NCOR1: variants seen among roughly 807,000 people sequenced by gnomAD.
NCOR1 encodes nuclear receptor corepressor 1.
NCOR1 carries 63 observed loss-of-function variants against 288.1 expected under a neutral mutation model. The ratio of observed to expected loss-of-function variants is 0.22; its 90% CI spans 0.18 to 0.27. The LOEUF is 0.27. NCOR1 is among the 10% of genes least tolerant of loss of function. The pLI is 1.00. For missense variants in NCOR1, 2,397 were observed against 3,019.2 expected, an observed-to-expected ratio of 0.79 and a Z score of 4.83; for synonymous variants, 1,007 against 1,065.9, an observed-to-expected ratio of 0.94 and a Z score of 1.08.
chr17:16,179,432 C>A (rs1199804041), intron 3 of NCOR1, among the ~76,000 whole-genome samples: 1 of 152,004 alleles, frequency 6.6e-6, no homozygotes, highest in African/African-American at 2.4e-5. Context: ...AAGTAGAAAG[C>A]CTGAACAAAC....
intron 20 of NCOR1, 137 bp downstream of exon 20, chr17:16,101,113 C>T (rs1473636361): frequency 8.7e-6 from 7 of 801,402 alleles, no homozygotes; most frequent in Non-Finnish European, 1.4e-5. Flanking sequence ...CAGTATCAGC[C>T]CAATATTAAA....
At chr17:16,088,694 C>T (rs1221926794) in intron 22 of NCOR1, among the ~76,000 whole-genome samples, 2 of 152,092 alleles carry the variant, frequency 1.3e-5, no homozygotes, top group Non-Finnish European at 2.9e-5. Flanking sequence ...CTATTTAGCC[C>T]TCAAGACCAA....
intron 13 of NCOR1, 71 bp from the exon 14 acceptor site, chr17:16,137,483 C>T: frequency 2.6e-6 from 2 of 783,054 alleles, no homozygotes; most frequent in Non-Finnish European, 3.9e-6. Flanking sequence ...AATATTACTT[C>T]CAAGGAAAAT....
At chr17:16,063,026 C>G (rs905295544) in intron 35 of NCOR1, among the ~76,000 whole-genome samples, 2 of 152,156 alleles carry the variant, frequency 1.3e-5, no homozygotes, top group African/African-American at 4.8e-5. Flanking sequence ...TCACTCCAAC[C>G]TTCTAACGTG....
intron 42 of NCOR1, among the ~76,000 whole-genome samples, chr17:16,041,972 G>A (rs62073589): frequency 0.059 from 9,013 of 152,032 alleles, 376 homozygotes; most frequent in African/African-American, 0.12. Context: ...TCCTGACCTC[G>A]ATATGCCCGC....
In NCOR1 at chr17:16,121,230, T is replaced by C. The variant is rs2072947864; in HGVS notation, c.1674A>G (p.Ala558=). Residue 558 remains alanine, a synonymous_variant, in exon 16 of 46, where the codon GCA becomes GCG. Coordinates refer to ENST00000268712, the MANE Select transcript of NCOR1 (RefSeq NM_006311.4). ...TKEKDKIDGT[A]EETEEREQAT... is the part of the protein sequence containing the mutation. ...CTTGCTCTCTTTCCTCAGTTTCTTC[T>C]GCTGTACCATCTATCTTGTCCTTTT... The C allele has an allele frequency of 6.2e-7, 1 of 1,614,084 alleles. No individual in the cohort carries two copies. Among genetic ancestry groups the C allele is most frequent in the South Asian group, 1.1e-5 (1 of 91,084 alleles).
intron 26 of NCOR1, among the ~76,000 whole-genome samples, chr17:16,078,522 T>A (rs1045773721): frequency 6.6e-6 from 1 of 152,156 alleles, no homozygotes; most frequent in East Asian, 1.9e-4. Context: ...CCTCTGTCCA[T>A]ATTAAAGTAT....
At chr17:16,158,632 A>T in intron 6 of NCOR1, 128 bp downstream of exon 6, 1 of 534,132 alleles carries the variant, frequency 1.9e-6, no homozygotes, top group Non-Finnish European at 3.2e-6. Flanking sequence ...AAGTTTATGA[A>T]CATTCAAAAT....
At chr17:16,202,108 C>T (rs558808594) in intron 1 of NCOR1, among the ~76,000 whole-genome samples, 127 of 151,752 alleles carry the variant, frequency 8.4e-4, no homozygotes, top group African/African-American at 3.0e-3. Context: ...CCTGTAATCC[C>T]AGCTACTTGG....
chr17:16,065,800 GCAC>G, intron 32 of NCOR1, 106 bp from the exon 33 acceptor site: 1 of 980,492 alleles, frequency 1.0e-6, no homozygotes, highest in Non-Finnish European at 1.6e-6. Context: ...CTGAGCTAGT[GCAC>G]ATGGAACTTT....
rs183445797 is a variant in NCOR1, at chr17:16,030,261, T to C, written c.*2035A>G. ...TCATCCTTGTCATCTTCATGTTGAA[T>C]AGGCTGAGGATGAGAAGGGGTTGGT... On this transcript the variant is annotated 3_prime_UTR_variant, in exon 46 of 46. Coordinates refer to ENST00000268712, the MANE Select transcript of NCOR1 (RefSeq NM_006311.4). The C allele has an allele frequency of 3.4e-4, 78 of 229,866 alleles. No homozygotes were observed. The highest frequency in any genetic ancestry group is 1.5e-4 in the Non-Finnish European group (18 of 117,148). 14.2% of individuals were successfully genotyped at this position (229,866 alleles called of 1,614,324 possible).
At chr17:16,213,390 G>A (rs1429644251) in intron 1 of NCOR1, among the ~76,000 whole-genome samples, 1 of 149,198 alleles carries the variant, frequency 6.7e-6, no homozygotes, top group Non-Finnish European at 1.5e-5. Context: ...CTACTCGGGA[G>A]GCTGAGGCAG....
chr17:16,044,876 T>G, intron 42 of NCOR1: 1 of 761,950 alleles, frequency 1.3e-6, no homozygotes, highest in Non-Finnish European at 2.3e-6. Flanking sequence ...CCACTGCTGC[T>G]GCTCCAGCTG....
chr17:16,153,389 CT>C lies in NCOR1; in HGVS notation c.738del (p.Ala247GlnfsTer38). ...VQIIYDENRK[K>X]AEEAHKIFEG... ...TCAAAAATTTTATGAGCTTCTTCTG[CT>C]TTTTTCTAGAGATAAAGACATTGTT... On this transcript the variant is annotated frameshift_variant, in exon 7 of 46. Coordinates refer to ENST00000268712, the MANE Select transcript of NCOR1 (RefSeq NM_006311.4). LOFTEE classifies it high-confidence loss of function. 6.3e-7 allele frequency: 1 copy of C among 1,593,070 alleles called. No homozygotes were observed.
chr17:16,045,119 C>T (rs902470737), intron 42 of NCOR1: 14 of 241,648 alleles, frequency 5.8e-5, no homozygotes, highest in South Asian at 1.2e-4. Flanking sequence ...TGAGAGAACA[C>T]GAGGAGGTTC....
At chr17:16,084,787 T>C (rs2063953678) in intron 23 of NCOR1, among the ~76,000 whole-genome samples, 1 of 152,206 alleles carries the variant, frequency 6.6e-6, no homozygotes, top group Admixed American at 6.5e-5. Flanking sequence ...CCTGACCTCA[T>C]ACTATACACA....
intron 19 of NCOR1, among the ~76,000 whole-genome samples, chr17:16,106,860 T>C (rs1243301170): frequency 2.4e-5 from 1 of 41,814 alleles, no homozygotes; most frequent in African/African-American, 1.3e-4. Context: ...CAGACATATA[T>C]ATATATATAT....
chr17:16,138,265 A>G, intron 12 of NCOR1, 53 bp from the exon 13 acceptor site: 2 of 593,222 alleles, frequency 3.4e-6, no homozygotes, highest in Non-Finnish European at 5.0e-6. Context: ...TTCAACAACT[A>G]AAAAAAAAAA....
Position 16,101,271 on chromosome 17 carries a change from T to C in NCOR1, c.2669A>G (p.Asp890Gly). 1 of 1,603,836 alleles carries C rather than the reference T, an allele frequency of 6.2e-7. No individual in the cohort carries two copies. The highest frequency in any genetic ancestry group is 8.5e-7 in the Non-Finnish European group (1 of 1,175,150). The change falls in exon 20 of 46, where the codon GAT becomes GGT. Residue 890 changes from aspartate to glycine, a missense_variant. Physicochemically the swap from Asp to Gly is moderately conservative, Grantham distance 94. Around this residue, in one of 11 missense-constraint regions of NCOR1, gnomAD observed 1,872 missense variants for 2,187.8 expected, o/e 0.86. Coordinates refer to ENST00000268712, the MANE Select transcript of NCOR1 (RefSeq NM_006311.4). Reference sequence around the variant, plus strand: ...TCACCTCTGCCTCTCTGGCTCTCCATCCACATCCTCATCAGCGCTGCACGT... The same window carrying C: ...TCACCTCTGCCTCTCTGGCTCTCCACCCACATCCTCATCAGCGCTGCACGT... ...SATCSADEDVDGEPERQRMFP... is the reference protein window; with the variant it reads ...SATCSADEDVGGEPERQRMFP...
Sources: gnomAD v4.1 joint callset for allele counts (sites outside exome capture counted in the v4.1 genomes callset) on GRCh38, gnomAD v4.1.1 for gene constraint, gnomAD v4.1.1 regional missense constraint, MANE v1.5 for transcripts, NCBI Gene and HGNC (gene_info 2026-07-23, HGNC 2026-07-21) for gene names.